PICALM: variants seen among roughly 807,000 people sequenced by gnomAD.
The protein encoded by PICALM is phosphatidylinositol binding clathrin assembly protein.
A neutral mutation model predicts 80.5 loss-of-function variants in PICALM; 40 were observed. The ratio of observed to expected loss-of-function variants is 0.50; its 90% confidence interval spans 0.39 to 0.65. PICALM has a LOEUF of 0.65. PICALM is among the 30% of genes least tolerant of loss of function. PICALM has a pLI of 0.00. For missense variants in PICALM, 676 were observed against 778.9 expected, an observed-to-expected ratio of 0.87 and a Z score of 1.57; for synonymous variants, 288 against 260.3, an observed-to-expected ratio of 1.11 and a Z score of -1.02.
At chr11:86,050,270 C>A (rs1042360192) in intron 1 of PICALM, among the ~76,000 whole-genome samples, 1 of 147,722 alleles carries the variant, frequency 6.8e-6, no homozygotes, top group African/African-American at 2.5e-5. Flanking sequence ...AAGGCCCCCC[C>A]AAAAAAAAAG....
At chr11:86,039,110 CA>C (rs11443601) in intron 1 of PICALM, among the ~76,000 whole-genome samples, 14 of 144,796 alleles carry the variant, frequency 9.7e-5, no homozygotes, top group South Asian at 2.2e-4. Flanking sequence ...GACTCTATCT[CA>C]AAAAAAAAAA....
chr11:85,981,548 A>C (rs2094443039), intron 16 of PICALM, among the ~76,000 whole-genome samples, 197 bp downstream of exon 16: 1 of 151,776 alleles, frequency 6.6e-6, no homozygotes, highest in South Asian at 2.1e-4. Flanking sequence ...CGGAGCTTGC[A>C]GTGGGCCGAG....
At chr11:85,966,752 C>T (rs1237616105) in intron 19 of PICALM, among the ~76,000 whole-genome samples, 2 of 152,060 alleles carry the variant, frequency 1.3e-5, no homozygotes, top group African/African-American at 2.4e-5. Flanking sequence ...GACCAGTGTC[C>T]TTATAAGGAG....
intron 19 of PICALM, among the ~76,000 whole-genome samples, chr11:85,971,420 A>T (rs2094108292): frequency 6.6e-6 from 1 of 152,042 alleles, no homozygotes; most frequent in Admixed American, 6.6e-5. Flanking sequence ...TTAGAAGGCA[A>T]CAGGACGTAA....
At chr11:86,015,039 TC>T in intron 4 of PICALM, 76 bp from the exon 5 acceptor site, 1 of 853,810 alleles carries the variant, frequency 1.2e-6, no homozygotes, top group Non-Finnish European at 1.8e-6. Context: ...CCCCTGGTTT[TC>T]TACTAAAACA....
At chr11:85,999,629 T>A (rs767941113) in intron 11 of PICALM, among the ~76,000 whole-genome samples, 1 of 152,206 alleles carries the variant, frequency 6.6e-6, no homozygotes, top group Non-Finnish European at 1.5e-5. Context: ...AGGGAGCAGG[T>A]AGCAACTGAG....
chr11:86,009,363 T>C (rs1208153576), intron 7 of PICALM, among the ~76,000 whole-genome samples: 1 of 137,496 alleles, frequency 7.3e-6, no homozygotes, highest in African/African-American at 2.8e-5. Context: ...TAAGAATAAG[T>C]TAACAGCAGA....
chr11:86,051,216 A>C (rs1350443004), intron 1 of PICALM, among the ~76,000 whole-genome samples: 1 of 152,238 alleles, frequency 6.6e-6, no homozygotes, highest in Non-Finnish European at 1.5e-5. Flanking sequence ...AAAAAAAGCT[A>C]AAGGAGCACA....
At chr11:86,033,365 G>A (rs2095792661) in intron 1 of PICALM, among the ~76,000 whole-genome samples, 1 of 151,954 alleles carries the variant, frequency 6.6e-6, no homozygotes, top group South Asian at 2.1e-4. Context: ...TTTGTGATCT[G>A]TTCTTCCCCC....
At chr11:85,974,844 A>G (rs1396146560) in intron 18 of PICALM, 32 bp from the exon 19 acceptor site, 2 of 1,360,040 alleles carry the variant, frequency 1.5e-6, no homozygotes, top group African/African-American at 2.9e-5. Context: ...AAAGATACTG[A>G]CTCCTATCTT....
chr11:85,987,418 T>C (rs1168227910), intron 13 of PICALM, among the ~76,000 whole-genome samples: 1 of 152,200 alleles, frequency 6.6e-6, no homozygotes, highest in East Asian at 1.9e-4. Flanking sequence ...TTTTTTACTA[T>C]TGCTATAACT....
Position 85,957,755 on chromosome 11 carries a change from A to T in PICALM, c.*1291T>A, listed in dbSNP as rs1183366048. On this transcript the variant is annotated 3_prime_UTR_variant, in exon 20 of 20. Coordinates refer to ENST00000393346, the MANE Select transcript of PICALM (RefSeq NM_007166.4). The stretch of plus-strand genomic sequence containing the variant: ...CATACATTTTAATATTGTAAACAAA[A>T]ATAGAATCTGCAGAGACAATGCAAC... 1 of 214,242 alleles carries T rather than the reference A, an allele frequency of 4.7e-6. No homozygotes were observed. Among genetic ancestry groups the T allele is most frequent in the Non-Finnish European group, 9.4e-6 (1 of 105,936 alleles). 13.3% of individuals were successfully genotyped at this position (214,242 alleles called of 1,614,324 possible).
Position 86,014,959 on chromosome 11 carries a change from C to A in PICALM, c.457G>T (p.Asp153Tyr). The change falls in exon 5 of 20, where the codon GAT becomes TAT. Residue 153 changes from aspartate to tyrosine, a missense_variant. By Grantham distance (160) the Asp-to-Tyr change is radical. Transcript: ENST00000393346. Reference sequence around the variant, plus strand: ...GTGTTCATTGTTCTCATAACTCCATCAGCCCTGTTATGAAAAAACCAGAGA... The same window carrying A: ...GTGTTCATTGTTCTCATAACTCCATAAGCCCTGTTATGAAAAAACCAGAGA... ...FDFTKVKRGA[D>Y]GVMRTMNTEK... 6.4e-7 allele frequency: 1 copy of A among 1,572,332 alleles called. No individual in the cohort carries two copies. The highest frequency in any genetic ancestry group is 1.2e-5 in the South Asian group (1 of 86,798).
At chr11:86,023,537 C>G (rs2095601232) in intron 3 of PICALM, 1 of 984,832 alleles carries the variant, frequency 1.0e-6, no homozygotes, top group South Asian at 4.7e-5. Flanking sequence ...GGCTCAACCT[C>G]TCGTCTACAT....
At chr11:86,034,099 C>A (rs1051958428) in intron 1 of PICALM, among the ~76,000 whole-genome samples, 3 of 151,962 alleles carry the variant, frequency 2.0e-5, no homozygotes, top group African/African-American at 7.3e-5. Flanking sequence ...AGGATAACTC[C>A]AGAAGCTAAA....
chr11:85,999,515 T>G (rs1021399688), intron 11 of PICALM, among the ~76,000 whole-genome samples: 2 of 152,196 alleles, frequency 1.3e-5, no homozygotes, highest in African/African-American at 4.8e-5. Flanking sequence ...ATGGGGTCAA[T>G]GTTACTTAAC....
At chr11:85,985,327 A>G (rs148694043) in intron 13 of PICALM, among the ~76,000 whole-genome samples, 185 of 152,258 alleles carry the variant, frequency 1.2e-3, no homozygotes, top group African/African-American at 4.3e-3. Context: ...ACAATTTATT[A>G]TTAGCAAAGA....
In PICALM at chr11:85,981,796, A is replaced by T. The variant is rs146684583; in HGVS notation, c.1649-21T>A. ...AAGATCTAGGAAAGGAGAAAAACAA[A>T]AAAGCATTTTATAACACGAGACGCA... is the stretch of plus-strand genomic sequence containing the variant. On this transcript the variant is annotated intron_variant, in intron 15 of 19. Transcript: ENST00000393346. The T allele has an allele frequency of 5.6e-6, 9 of 1,613,260 alleles. No homozygotes were observed. The East Asian group carries it at 1.6e-4, about 28-fold the overall frequency.
At chr11:86,048,119 A>G (rs1244298483) in intron 1 of PICALM, among the ~76,000 whole-genome samples, 3 of 152,168 alleles carry the variant, frequency 2.0e-5, no homozygotes, top group Non-Finnish European at 4.4e-5. Context: ...AAAGGTTTCC[A>G]ATCTCCTGAT....
Sources: gnomAD v4.1 joint callset for allele counts (sites outside exome capture counted in the v4.1 genomes callset) on GRCh38, gnomAD v4.1.1 for gene constraint, MANE v1.5 for transcripts, NCBI Gene and HGNC (gene_info 2026-07-23, HGNC 2026-07-21) for gene names.